Variants in ST7 observed in about 807,000 individuals in gnomAD.
ST7 encodes the protein suppression of tumorigenicity 7.
A neutral mutation model predicts 78.7 loss-of-function variants in ST7; 28 were observed. That is an observed-to-expected ratio of 0.36 (90% confidence interval 0.26 to 0.49). The LOEUF (loss-of-function observed/expected upper bound fraction) is 0.49, where lower values mean the gene tolerates loss of function less well. Among genes scored for constraint, ST7 ranks in the 20% least tolerant of loss-of-function variants. The pLI, the probability that ST7 is intolerant of heterozygous loss-of-function variation, is 0.99. For missense variants in ST7, 418 were observed against 696.0 expected, an observed-to-expected ratio of 0.60 and a Z score of 4.49; for synonymous variants, 247 against 249.6, an observed-to-expected ratio of 0.99 and a Z score of 0.10.
At position 117,151,085 on chromosome 7, in the gene ST7, G is replaced by C. The variant is rs114625286; in HGVS notation, c.963+12553G>C. Among the ~76,000 whole-genome samples the C allele has an allele frequency of 2.9e-3, 442 of 152,282 alleles. 4 individuals carry two copies. Among genetic ancestry groups the C allele is most frequent in the African/African-American group, 0.01 (426 of 41,556 alleles). Reference sequence around the variant, plus strand: ...CAGGTTACCACTGTCTTTCATCTCAGCTATGCAGTCGGTCTCCAGACTTCC... The same window carrying C: ...CAGGTTACCACTGTCTTTCATCTCACCTATGCAGTCGGTCTCCAGACTTCC... On this transcript the variant is annotated intron_variant, in intron 9 of 15. Transcript: ENST00000323984.
At chr7:117,228,826 A>C (rs1180723887) in intron 15 of ST7, among the ~76,000 whole-genome samples, 1 of 152,078 alleles carries the variant, frequency 6.6e-6, no homozygotes, top group Non-Finnish European at 1.5e-5. Flanking sequence ...ACAAGGGCTT[A>C]GGACAAAGGG....
rs549083419 is a variant in ST7 at position 117,025,998 on chromosome 7, G to GA, written c.151+72315dup. On this transcript the variant is annotated intron_variant, in intron 1 of 15. Transcript: ENST00000323984. ...TATTTGTTAGTCTGTAGTTTGTTCA[G>GA]AAAAAAAATTACATGTGAGTCTTCA... 1.3e-4 allele frequency among the ~76,000 whole-genome samples: 20 copies of GA among 151,918 alleles called. No homozygotes were observed. In the South Asian group the frequency reaches 3.7e-3, roughly 28 times the overall value.
intron 7 of ST7, 107 bp from the exon 8 acceptor site, chr7:117,135,974 A>G (rs1804758242): frequency 4.1e-6 from 5 of 1,216,126 alleles, no homozygotes; most frequent in Non-Finnish European, 5.8e-6. Flanking sequence ...CCAGTTGGCC[A>G]CTCTGCATGT....
At chr7:117,127,896 T>C (rs1451317572) in intron 3 of ST7, among the ~76,000 whole-genome samples, 1 of 151,974 alleles carries the variant, frequency 6.6e-6, no homozygotes, top group Non-Finnish European at 1.5e-5. Flanking sequence ...TTGCATCTGA[T>C]ATATAATAGA....
intron 2 of ST7, among the ~76,000 whole-genome samples, chr7:117,118,856 A>T (rs1803128305): frequency 6.6e-6 from 1 of 152,182 alleles, no homozygotes; most frequent in Admixed American, 6.5e-5. Flanking sequence ...TTCTTTCATT[A>T]CTGAAAGTTA....
chr7:117,157,816 C>G (rs1806818652), intron 9 of ST7, among the ~76,000 whole-genome samples: 2 of 152,148 alleles, frequency 1.3e-5, no homozygotes, highest in African/African-American at 4.8e-5. Context: ...GTCTGTGGGC[C>G]TGCTTCCAAG....
intron 1 of ST7, among the ~76,000 whole-genome samples, chr7:117,053,250 G>A (rs1797880804): frequency 6.6e-6 from 1 of 152,188 alleles, no homozygotes; most frequent in Non-Finnish European, 1.5e-5. Flanking sequence ...ACTCCAGGCA[G>A]CTATAGAATA....
Position 117,222,023 on chromosome 7 carries a change from A to C in ST7, c.1599A>C (p.Thr533=), listed in dbSNP as rs1793127907. The stretch of plus-strand genomic sequence containing the variant: ...TCACAGCCATGCTGGCCCTCCTGAC[A>C]CATCAGTTCCCGGAACTTATGGGGG... ...CSFTAMLALL[T]HQFPELMGVF... The change falls in exon 15 of 16, where the codon ACA becomes ACC. Residue 533 remains threonine, a synonymous_variant. Transcript: ENST00000323984. 2 of 1,612,778 alleles carry C rather than the reference A, an allele frequency of 1.2e-6. No individual in the cohort carries two copies. Among genetic ancestry groups the C allele is most frequent in the Non-Finnish European group, 1.7e-6 (2 of 1,179,498 alleles).
intron 1 of ST7, among the ~76,000 whole-genome samples, chr7:117,079,494 T>C (rs1417556490): frequency 6.6e-6 from 1 of 152,250 alleles, no homozygotes; most frequent in Non-Finnish European, 1.5e-5. Flanking sequence ...AAATACTTTT[T>C]CTCATTGGTT....
chr7:117,206,674 A>G (rs978361826), intron 12 of ST7, among the ~76,000 whole-genome samples: 3 of 152,234 alleles, frequency 2.0e-5, no homozygotes, highest in South Asian at 2.1e-4. Flanking sequence ...CTGGTGGCCA[A>G]CAATGCTTTT....
intron 1 of ST7, among the ~76,000 whole-genome samples, chr7:117,039,235 G>A (rs963469959): frequency 1.3e-5 from 2 of 152,094 alleles, no homozygotes; most frequent in Non-Finnish European, 2.9e-5. Flanking sequence ...TAAGATACCT[G>A]CTTCCTATTA....
chr7:117,056,367 G>T (rs557142995), intron 1 of ST7, among the ~76,000 whole-genome samples: 1 of 152,296 alleles, frequency 6.6e-6, no homozygotes, highest in East Asian at 1.9e-4. Context: ...AGGCATGGTG[G>T]CTCATGCCTG....
chr7:116,972,156 C>G, intron 1 of ST7: 1 of 555,436 alleles, frequency 1.8e-6, no homozygotes, highest in East Asian at 3.9e-5. Context: ...CAGGGTGGGA[C>G]TGGGCTTTCT....
chr7:117,215,472 C>G (rs548692181), intron 13 of ST7, among the ~76,000 whole-genome samples: 72 of 152,254 alleles, frequency 4.7e-4, no homozygotes, highest in Non-Finnish European at 7.5e-4. Context: ...GAAACCCAAC[C>G]TTTACTGAGC....
intron 9 of ST7, among the ~76,000 whole-genome samples, chr7:117,152,652 G>C (rs1806384101): frequency 6.6e-6 from 1 of 152,102 alleles, no homozygotes; most frequent in African/African-American, 2.4e-5. Context: ...GGTTTGTTCA[G>C]TCTTCCATCT....
Position 117,213,079 on chromosome 7 carries a change from C to T in ST7, c.1405+3142C>T, listed in dbSNP as rs115554847. ...ATGATACTGAATGCCATACCCCACC[C>T]ACCCCAGATTGGTGACTTCAGGAAA... is the stretch of plus-strand genomic sequence containing the variant. On this transcript the variant is annotated intron_variant, in intron 13 of 15. Transcript: ENST00000323984. 9.8e-3 allele frequency among the ~76,000 whole-genome samples: 1,495 copies of T among 152,310 alleles called. 27 individuals are homozygous for T. Among genetic ancestry groups the T allele is most frequent in the African/African-American group, 0.034 (1,426 of 41,568 alleles).
chr7:116,994,389 G>GATTCA (rs1161650663), intron 1 of ST7, among the ~76,000 whole-genome samples: 1 of 152,162 alleles, frequency 6.6e-6, no homozygotes, highest in Admixed American at 6.5e-5. Flanking sequence ...CACTCTCTGA[G>GATTCA]ATTCAAAGAC....
Position 117,178,069 on chromosome 7 carries a change from C to T in ST7, c.1078+7093C>T, listed in dbSNP as rs578034714. ...CAAATATGCTGGATTATAGGAGCTT[C>T]AAGTGTATCTGGTAGAAATGATATC... is the stretch of plus-strand genomic sequence containing the variant. On this transcript the variant is annotated intron_variant, in intron 10 of 15. Coordinates refer to ENST00000323984, the MANE Select transcript of ST7 (RefSeq NM_001369598.1). 3.9e-5 allele frequency among the ~76,000 whole-genome samples: 6 copies of T among 152,276 alleles called. No individual in the cohort carries two copies. In the East Asian group the frequency reaches 1.2e-3, roughly 29 times the overall value.
intron 9 of ST7, among the ~76,000 whole-genome samples, chr7:117,147,767 T>A (rs943826009): frequency 1.1e-4 from 17 of 152,154 alleles, no homozygotes; most frequent in African/African-American, 4.1e-4. Context: ...ATCCTCTGTG[T>A]TTGTTGCCTT....
Sources: allele counts gnomAD v4.1 joint callset (sites outside exome capture counted in the v4.1 genomes callset), GRCh38; gene constraint gnomAD v4.1.1; transcripts MANE v1.5; gene names NCBI Gene and HGNC (gene_info 2026-07-23, HGNC 2026-07-21).